GARNL3: variants seen among roughly 807,000 people sequenced by gnomAD.
GARNL3 encodes the protein GTPase-activating Rap/Ran-GAP domain-like protein 3.
GARNL3 carries 63 observed loss-of-function variants against 125.0 expected under a neutral mutation model. That is an observed-to-expected ratio of 0.50 (90% CI 0.41 to 0.62). The LOEUF is 0.62. Among genes scored for constraint, GARNL3 ranks in the 20% least tolerant of loss-of-function variants. The pLI, the probability that GARNL3 is intolerant of heterozygous loss-of-function variation, is 0.00. For missense variants in GARNL3, 994 were observed against 1,244.0 expected (o/e 0.80, Z 3.02); for synonymous variants, 439 against 457.5 (o/e 0.96, Z 0.52).
chr9:127,238,235 C>A (rs1476406807), intron 1 of GARNL3, among the ~76,000 whole-genome samples: 1 of 152,154 alleles, frequency 6.6e-6, no homozygotes, highest in African/African-American at 2.4e-5. Flanking sequence ...GATCCGCCCA[C>A]CTTGGCCTTC....
chr9:127,241,321 CT>C (rs2131164112), intron 1 of GARNL3, among the ~76,000 whole-genome samples: 1 of 152,272 alleles, frequency 6.6e-6, no homozygotes, highest in African/African-American at 2.4e-5. Context: ...GAAAATGTCT[CT>C]CATCCTGAAG....
intron 1 of GARNL3, among the ~76,000 whole-genome samples, chr9:127,275,200 C>T (rs1370509074): frequency 3.3e-5 from 5 of 152,104 alleles, no homozygotes; most frequent in Admixed American, 6.5e-5. Flanking sequence ...GCAGGCCTTC[C>T]CTCAAAACTG....
chr9:127,299,664 G>A (rs576674488), intron 2 of GARNL3, among the ~76,000 whole-genome samples: 1 of 152,002 alleles, frequency 6.6e-6, no homozygotes, highest in Non-Finnish European at 1.5e-5. Flanking sequence ...TCCGCCTCCC[G>A]GGTTCATGCC....
intron 2 of GARNL3, among the ~76,000 whole-genome samples, chr9:127,296,714 G>T (rs2064605800): frequency 6.6e-6 from 1 of 151,730 alleles, no homozygotes; most frequent in Non-Finnish European, 1.5e-5. Context: ...CAGGTGATCT[G>T]CCCACCTCGG....
At chr9:127,315,575 A>G (rs2065218647) in intron 4 of GARNL3, among the ~76,000 whole-genome samples, 1 of 152,078 alleles carries the variant, frequency 6.6e-6, no homozygotes, top group South Asian at 2.1e-4. Flanking sequence ...CAGGAGTTCA[A>G]GGCTGCAGTG....
At chr9:127,243,215 A>T in exon 2 of GARNL3, 1 of 1,366,610 alleles carries the variant, frequency 7.3e-7, no homozygotes, top group Non-Finnish European at 9.8e-7. Flanking sequence ...GACATGGCCA[A>T]CGAAAGACCC....
At chr9:127,347,149 G>A (rs1830183042) in intron 16 of GARNL3, among the ~76,000 whole-genome samples, 1 of 152,204 alleles carries the variant, frequency 6.6e-6, no homozygotes, top group African/African-American at 2.4e-5. Context: ...GCCGGGTGCA[G>A]TGGTTCATGC....
In GARNL3 at chr9:127,309,608, G is replaced by T. The variant is rs114944824; in HGVS notation, c.220-2028G>T. Among the ~76,000 whole-genome samples the T allele has an allele frequency of 2.0e-3, 308 of 152,296 alleles. 1 individual carries two copies. The highest frequency in any genetic ancestry group is 7.1e-3 in the African/African-American group (297 of 41,562). ...GTATATTAAAAGAATACTATACCAT[G>T]ACCTAGTAGGGTGGATTCCAGAAAT... On this transcript the variant is annotated intron_variant, in intron 2 of 27. Transcript: ENST00000373387.
chr9:127,378,937 G>A (rs758076568), intron 22 of GARNL3, among the ~76,000 whole-genome samples: 4 of 152,042 alleles, frequency 2.6e-5, no homozygotes, highest in Non-Finnish European at 2.9e-5. Context: ...CACTAGGTCC[G>A]GCTAATTTTT....
At chr9:127,246,975 A>T (rs2063316612) in intron 2 of GARNL3, among the ~76,000 whole-genome samples, 1 of 122,758 alleles carries the variant, frequency 8.1e-6, no homozygotes, top group Non-Finnish European at 1.6e-5. Context: ...ATAGGCAGAG[A>T]TTGGGGAGGA....
intron 2 of GARNL3, among the ~76,000 whole-genome samples, chr9:127,244,433 T>C (rs1422791907): frequency 6.6e-6 from 1 of 152,152 alleles, no homozygotes; most frequent in East Asian, 1.9e-4. Context: ...CCAACAGTTG[T>C]TAAACCGGGT....
At chr9:127,386,970 T>A (rs1174633460) in intron 24 of GARNL3, among the ~76,000 whole-genome samples, 1 of 152,220 alleles carries the variant, frequency 6.6e-6, no homozygotes, top group Non-Finnish European at 1.5e-5. Flanking sequence ...AACAAATAGA[T>A]GATGAAAAGT....
Position 127,389,007 on chromosome 9 carries a change from C to T in GARNL3, c.2631C>T (p.Thr877=), listed in dbSNP as rs186115638. The T allele has an allele frequency of 1.9e-6, 3 of 1,613,588 alleles. No homozygotes were observed. The highest frequency in any genetic ancestry group is 2.5e-6 in the Non-Finnish European group (3 of 1,179,490). ...LKSPLVSKVI[T]PPTPISVGLA... ...CACCCTTAGTCTCCAAGGTCATCACCCCACCCACTCCCATCAGTGTGGGCC... is the reference window on the plus strand; with the variant it reads ...CACCCTTAGTCTCCAAGGTCATCACTCCACCCACTCCCATCAGTGTGGGCC... The change falls in exon 26 of 28, where the codon ACC becomes ACT. Residue 877 remains threonine (T), a synonymous_variant. Transcript: ENST00000373387.
intron 2 of GARNL3, among the ~76,000 whole-genome samples, chr9:127,251,918 A>T (rs912859915): frequency 6.6e-6 from 1 of 152,156 alleles, no homozygotes; most frequent in Non-Finnish European, 1.5e-5. Context: ...CCAAGAGGAG[A>T]ACAACACTTA....
chr9:127,276,679 GTGAA>G (rs1310649317), intron 1 of GARNL3, among the ~76,000 whole-genome samples: 1 of 152,212 alleles, frequency 6.6e-6, no homozygotes, highest in Non-Finnish European at 1.5e-5. Flanking sequence ...AAACCACTGA[GTGAA>G]TGACACCATC....
At chr9:127,337,995 G>A in intron 11 of GARNL3, 121 bp from the exon 12 acceptor site, 1 of 768,144 alleles carries the variant, frequency 1.3e-6, no homozygotes, top group Non-Finnish European at 2.3e-6. Flanking sequence ...ACCTAAGAGT[G>A]ATAGGTGCCC....
At chr9:127,265,042 C>T (rs755149878) in intron 1 of GARNL3, 21 bp downstream of exon 1, 4 of 1,601,838 alleles carry the variant, frequency 2.5e-6, no homozygotes, top group Non-Finnish European at 3.4e-6. Context: ...GCTGTCTGTT[C>T]AGTGGTAGTA....
intron 2 of GARNL3, among the ~76,000 whole-genome samples, chr9:127,246,293 G>A (rs2063302817): frequency 1.3e-5 from 2 of 152,194 alleles, no homozygotes; most frequent in African/African-American, 4.8e-5. Context: ...GAAGGTAGAT[G>A]TTAAGAGTTC....
At chr9:127,328,288 C>T (rs939558279) in intron 7 of GARNL3, among the ~76,000 whole-genome samples, 3 of 152,136 alleles carry the variant, frequency 2.0e-5, no homozygotes, top group African/African-American at 7.2e-5. Flanking sequence ...GAACAATGGC[C>T]ATGATCCTCC....
Sources: gnomAD v4.1 joint callset for allele counts (sites outside exome capture counted in the v4.1 genomes callset) on GRCh38, gnomAD v4.1.1 for gene constraint, MANE v1.5 for transcripts, NCBI Gene and HGNC (gene_info 2026-07-23, HGNC 2026-07-21) for gene names.